Variants in NR6A1 observed in about 807,000 individuals in gnomAD.
NR6A1 encodes nuclear receptor subfamily 6 group A member 1, also known as retinoic acid receptor-related testis-associated receptor.
In NR6A1, 7 loss-of-function variants were observed where a neutral mutation model predicts 59.1. The ratio of observed to expected loss-of-function variants is 0.12; its 90% CI spans 0.07 to 0.22. NR6A1 has a LOEUF of 0.22. Ranked by LOEUF, NR6A1 falls within the 10% of genes least tolerant of loss-of-function variation. NR6A1 has a pLI of 1.00. For missense variants in NR6A1, 468 were observed against 611.6 expected, an observed-to-expected ratio of 0.77 and a Z score of 2.48; for synonymous variants, 243 against 236.1, an observed-to-expected ratio of 1.03 and a Z score of -0.27.
At chr9:124,703,367 CA>C (rs995872768) in intron 2 of NR6A1, among the ~76,000 whole-genome samples, 16 of 151,562 alleles carry the variant, frequency 1.1e-4, no homozygotes, top group African/African-American at 3.9e-4. Context: ...CACATGCCAC[CA>C]TGTCCAGGGT....
In NR6A1 at chr9:124,554,516, C is replaced by G; in HGVS notation, c.197G>C (p.Arg66Pro). ...GATCCCATAGTGCAAGCCTGTAGCG[C>G]GGTCCCCACAAATGAGACAGGTTCG... ...EQRTCLICGD[R>P]ATGLHYGIIS... Residue 66 changes from arginine to proline, a missense_variant, in exon 3 of 10, where the codon CGC becomes CCC. Arg to Pro is a moderately radical substitution (Grantham distance 103). Transcript: ENST00000487099. 1 of 1,614,212 alleles carries G rather than the reference C, an allele frequency of 6.2e-7. No individual in the cohort carries two copies. The highest frequency in any genetic ancestry group is 8.5e-7 in the Non-Finnish European group (1 of 1,180,044).
intron 2 of NR6A1, among the ~76,000 whole-genome samples, chr9:124,581,740 C>G (rs1834774631): frequency 6.6e-6 from 1 of 151,830 alleles, no homozygotes; most frequent in Non-Finnish European, 1.5e-5. Flanking sequence ...AGAAAAAAAC[C>G]AACCACATTG....
intron 2 of NR6A1, among the ~76,000 whole-genome samples, chr9:124,647,670 T>C (rs1347181374): frequency 7.2e-6 from 1 of 138,462 alleles, no homozygotes; most frequent in Non-Finnish European, 1.5e-5. Flanking sequence ...GAGGTTGCAG[T>C]GAGCCGAGAT....
chr9:124,613,779 A>T (rs1262833738), intron 2 of NR6A1, among the ~76,000 whole-genome samples: 1 of 152,228 alleles, frequency 6.6e-6, no homozygotes, highest in Non-Finnish European at 1.5e-5. Flanking sequence ...GGCATAAAGA[A>T]GTCTATAATA....
intron 2 of NR6A1, among the ~76,000 whole-genome samples, chr9:124,657,883 T>C (rs944670004): frequency 6.6e-6 from 1 of 152,212 alleles, no homozygotes; most frequent in Non-Finnish European, 1.5e-5. Context: ...TGTCCATCTA[T>C]CCAATTTTCA....
At chr9:124,527,272 A>G (rs990350647) in intron 7 of NR6A1, among the ~76,000 whole-genome samples, 5 of 152,226 alleles carry the variant, frequency 3.3e-5, no homozygotes, top group African/African-American at 1.2e-4. Context: ...GGAGAAGTAC[A>G]ACATTATTAA....
At position 124,543,789 on chromosome 9, in the gene NR6A1, G is replaced by A. The variant is rs776805917; in HGVS notation, c.441+13C>T. 1 of 1,611,444 alleles carries A rather than the reference G, an allele frequency of 6.2e-7. No homozygotes were observed. Among genetic ancestry groups the A allele is most frequent in the South Asian group, 1.1e-5 (1 of 90,600 alleles). On this transcript the variant is annotated intron_variant, in intron 4 of 9. Coordinates refer to ENST00000487099, the MANE Select transcript of NR6A1 (RefSeq NM_033334.4). ...TCCAGGACGGACCACAGAGACTGAG[G>A]TCTAGAACTCACCTGGACTGGCCCA...
intron 2 of NR6A1, among the ~76,000 whole-genome samples, chr9:124,562,839 C>A (rs146995604): frequency 6.6e-6 from 1 of 152,282 alleles, no homozygotes; most frequent in African/African-American, 2.4e-5. Context: ...AGAGCCCTAG[C>A]AACATCTCTT....
intron 2 of NR6A1, among the ~76,000 whole-genome samples, chr9:124,572,741 C>T (rs1322419259): frequency 1.3e-5 from 2 of 152,022 alleles, no homozygotes; most frequent in African/African-American, 2.4e-5. Flanking sequence ...TCTAGAAATT[C>T]GTAAGGGCAA....
intron 2 of NR6A1, among the ~76,000 whole-genome samples, chr9:124,655,938 T>C (rs1440125244): frequency 6.6e-6 from 1 of 152,192 alleles, no homozygotes; most frequent in African/African-American, 2.4e-5. Flanking sequence ...TGCTACAGTT[T>C]GGATGTAATT....
At position 124,735,661 on chromosome 9, in the gene NR6A1, C is replaced by T. The variant is rs944187278; in HGVS notation, c.101-2312G>A. ...CTCAGACCAGCTTTAAACCCCTCTACATAAAGGCAATGGGAATCAGAAAAG... is the reference window on the plus strand; with the variant it reads ...CTCAGACCAGCTTTAAACCCCTCTATATAAAGGCAATGGGAATCAGAAAAG... On this transcript the variant is annotated intron_variant, in intron 1 of 9. Coordinates refer to ENST00000487099, the MANE Select transcript of NR6A1 (RefSeq NM_033334.4). 2.8e-4 allele frequency among the ~76,000 whole-genome samples: 42 copies of T among 152,306 alleles called. 1 individual carries two copies. Among genetic ancestry groups the T allele is most frequent in the Admixed American group, 1.1e-3 (17 of 15,298 alleles).
intron 1 of NR6A1, among the ~76,000 whole-genome samples, chr9:124,750,909 A>ATCC (rs1263297871): frequency 6.6e-6 from 1 of 152,188 alleles, no homozygotes; most frequent in Admixed American, 6.5e-5. Context: ...CCATTAAAAC[A>ATCC]CAGTCTCCTA....
intron 2 of NR6A1, among the ~76,000 whole-genome samples, chr9:124,579,881 G>A (rs527744530): frequency 2.0e-4 from 31 of 152,108 alleles, no homozygotes; most frequent in African/African-American, 6.0e-4. Flanking sequence ...ATGGTGGCGC[G>A]TGCCTGTAAT....
chr9:124,734,173 CA>C, intron 1 of NR6A1, among the ~76,000 whole-genome samples: 1 of 152,336 alleles, frequency 6.6e-6, no homozygotes, highest in East Asian at 1.9e-4. Context: ...GTCTCACACA[CA>C]AGGTCAAATT....
chr9:124,676,816 T>A (rs964276869), intron 2 of NR6A1, among the ~76,000 whole-genome samples: 3 of 152,194 alleles, frequency 2.0e-5, no homozygotes, highest in African/African-American at 7.2e-5. Context: ...TCTCACAATA[T>A]CAGATATATG....
At chr9:124,620,603 T>C (rs1048902289) in intron 2 of NR6A1, among the ~76,000 whole-genome samples, 1 of 152,202 alleles carries the variant, frequency 6.6e-6, no homozygotes, top group African/African-American at 2.4e-5. Flanking sequence ...TCAATTTATA[T>C]GACATGTCCA....
intron 1 of NR6A1, among the ~76,000 whole-genome samples, chr9:124,740,166 A>G (rs1445222659): frequency 1.3e-5 from 2 of 152,162 alleles, no homozygotes; most frequent in African/African-American, 4.8e-5. Context: ...CAATTCCTTT[A>G]CACATGCTAT....
intron 2 of NR6A1, among the ~76,000 whole-genome samples, chr9:124,639,947 C>G (rs1836724980): frequency 6.6e-6 from 1 of 152,204 alleles, no homozygotes; most frequent in African/African-American, 2.4e-5. Context: ...ACAAAACACC[C>G]TGTCATACAG....
chr9:124,667,645 T>C (rs748804364), intron 2 of NR6A1, among the ~76,000 whole-genome samples: 10 of 152,174 alleles, frequency 6.6e-5, no homozygotes, highest in Non-Finnish European at 1.2e-4. Context: ...TCTAAAAGAT[T>C]TGGAGTCTCA....
Sources: gnomAD v4.1 joint callset for allele counts (sites outside exome capture counted in the v4.1 genomes callset) on GRCh38, gnomAD v4.1.1 for gene constraint, MANE v1.5 for transcripts, NCBI Gene and HGNC (gene_info 2026-07-23, HGNC 2026-07-21) for gene names.